Variants in RBFOX1 observed in about 807,000 individuals in gnomAD.
The protein encoded by RBFOX1 is RNA binding protein fox-1 homolog 1.
In RBFOX1, 8 loss-of-function variants were observed where a neutral mutation model predicts 57.7. That is an observed-to-expected ratio of 0.14 (90% CI 0.08 to 0.25). The LOEUF is 0.25. RBFOX1 is among the 10% of genes least tolerant of loss of function. RBFOX1 has a pLI of 1.00. For missense variants in RBFOX1, 611 were observed against 548.5 expected (o/e 1.11, Z -1.14); for synonymous variants, 326 against 222.4 (o/e 1.47, Z -4.15).
At chr16:7,366,793 A>G (rs1217151845) in intron 4 of RBFOX1, among the ~76,000 whole-genome samples, 1 of 152,180 alleles carries the variant, frequency 6.6e-6, no homozygotes, top group African/African-American at 2.4e-5. Context: ...AAAGATCAAA[A>G]ATGGGATTCC....
chr16:6,948,684 G>A (rs1246772300), intron 3 of RBFOX1, among the ~76,000 whole-genome samples: 2 of 152,012 alleles, frequency 1.3e-5, no homozygotes, highest in Non-Finnish European at 2.9e-5. Context: ...GCCTGGCGTT[G>A]TGTCAGTCTT....
rs997169371 is a variant in RBFOX1, at chr16:7,029,858, A to T, written c.-15-22199A>T. Among the ~76,000 whole-genome samples, 6 of 152,128 alleles carry T rather than the reference A, an allele frequency of 3.9e-5. No individual in the cohort carries two copies. The South Asian group carries it at 1.2e-3, about 32-fold the overall frequency. ...TTGAAGATGAAAGAATGATAACTTG[A>T]TTCTTATGTCCATTCATTGGGAATA... On this transcript the variant is annotated intron_variant, in intron 3 of 15. Transcript: ENST00000550418.
intron 1 of RBFOX1, among the ~76,000 whole-genome samples, chr16:6,185,237 ACT>A (rs1193859247): frequency 6.6e-6 from 1 of 151,924 alleles, no homozygotes; most frequent in Non-Finnish European, 1.5e-5. Flanking sequence ...TCCATCTGTC[ACT>A]CTCTTTCTCT....
chr16:6,353,493 T>A (rs1389542320), intron 2 of RBFOX1, among the ~76,000 whole-genome samples: 1 of 151,958 alleles, frequency 6.6e-6, no homozygotes, highest in Non-Finnish European at 1.5e-5. Context: ...CCCTTTTAAG[T>A]GTAGGGCATG....
chr16:6,895,551 T>A (rs1269663609), intron 3 of RBFOX1, among the ~76,000 whole-genome samples: 1 of 147,820 alleles, frequency 6.8e-6, no homozygotes, highest in Non-Finnish European at 1.5e-5. Flanking sequence ...CAGCTGCACA[T>A]GATTGATGAG....
At chr16:6,005,529 T>C (rs1418066684) in intron 4 of RBFOX1, among the ~76,000 whole-genome samples, 3 of 152,240 alleles carry the variant, frequency 2.0e-5, no homozygotes, top group Non-Finnish European at 4.4e-5. Context: ...TTTTCAACTT[T>C]GGCAGTGTTG....
At chr16:5,273,584 C>A (rs1195506055) in intron 1 of RBFOX1, among the ~76,000 whole-genome samples, 1 of 152,100 alleles carries the variant, frequency 6.6e-6, no homozygotes, top group Non-Finnish European at 1.5e-5. Context: ...GAAGGAGCTG[C>A]CATCTGTGTT....
chr16:7,074,136 A>C (rs188470737), intron 4 of RBFOX1, among the ~76,000 whole-genome samples: 1 of 152,200 alleles, frequency 6.6e-6, no homozygotes, highest in East Asian at 1.9e-4. Flanking sequence ...TGTTTTGTCC[A>C]CTGATTAGGA....
rs548760708 is a variant in RBFOX1 at position 6,850,617 on chromosome 16, A to T, written c.-16+195967A>T. Among the ~76,000 whole-genome samples, 6 of 152,348 alleles carry T rather than the reference A, an allele frequency of 3.9e-5. No individual in the cohort carries two copies. The East Asian group carries it at 9.6e-4, about 24-fold the overall frequency. ...AAGCACTTCTTCCCATGCCTTCCAC[A>T]GATGACTCCTAATGTCATTCTTTTG... is the stretch of plus-strand genomic sequence containing the variant. On this transcript the variant is annotated intron_variant, in intron 3 of 15. Coordinates refer to ENST00000550418, the MANE Select transcript of RBFOX1 (RefSeq NM_018723.4).
intron 1 of RBFOX1, among the ~76,000 whole-genome samples, chr16:5,393,907 C>A (rs994582323): frequency 6.6e-6 from 1 of 152,226 alleles, no homozygotes; most frequent in African/African-American, 2.4e-5. Context: ...TGTGATCTTT[C>A]TTCTGCCTTC....
chr16:7,547,568 A>T (rs2084942415), intron 5 of RBFOX1, among the ~76,000 whole-genome samples: 1 of 152,230 alleles, frequency 6.6e-6, no homozygotes, highest in African/African-American at 2.4e-5. Flanking sequence ...TCCTTTCCAT[A>T]TTTTAATAGT....
intron 3 of RBFOX1, among the ~76,000 whole-genome samples, chr16:5,629,157 G>A (rs543390899): frequency 1.3e-5 from 2 of 152,192 alleles, no homozygotes; most frequent in African/African-American, 4.8e-5. Context: ...CATATTGAGA[G>A]TACAGGGCTG....
At chr16:5,915,249 A>T (rs1597775291) in intron 4 of RBFOX1, among the ~76,000 whole-genome samples, 2 of 152,092 alleles carry the variant, frequency 1.3e-5, no homozygotes, top group African/African-American at 4.8e-5. Flanking sequence ...CACTAATTTG[A>T]CTTCTGTCTT....
At chr16:5,706,102 G>C (rs1039942302) in intron 3 of RBFOX1, among the ~76,000 whole-genome samples, 3 of 152,168 alleles carry the variant, frequency 2.0e-5, no homozygotes, top group Non-Finnish European at 4.4e-5. Flanking sequence ...GTAGAGATGG[G>C]GTTTCACCAT....
At chr16:6,890,252 C>G (rs1371566048) in intron 3 of RBFOX1, among the ~76,000 whole-genome samples, 6 of 152,280 alleles carry the variant, frequency 3.9e-5, no homozygotes, top group African/African-American at 1.4e-4. Flanking sequence ...GGCATGGTAG[C>G]TCATGCCTGT....
intron 3 of RBFOX1, among the ~76,000 whole-genome samples, chr16:5,650,707 GTCTC>G (rs141578664): frequency 0.029 from 4,369 of 152,086 alleles, 227 homozygotes; most frequent in African/African-American, 0.1. Context: ...TCCTCTCTCT[GTCTC>G]TCTCTGTCTT....
chr16:5,942,221 G>A lies in RBFOX1; in HGVS notation c.351+74886G>A, dbSNP rs1257897389. On this transcript the variant is annotated intron_variant, in intron 4 of 19. Transcript: ENST00000641259. ...GGAGTTTTTTTTATTACTCAAAGCA[G>A]CCTCTCCATAGTTTGCAGGCTAGGG... 2.6e-5 allele frequency among the ~76,000 whole-genome samples: 4 copies of A among 152,154 alleles called. No individual in the cohort carries two copies. In the East Asian group the frequency reaches 7.7e-4, roughly 29 times the overall value.
chr16:6,991,682 T>C (rs2091480766), intron 3 of RBFOX1, among the ~76,000 whole-genome samples: 1 of 152,100 alleles, frequency 6.6e-6, no homozygotes, highest in African/African-American at 2.4e-5. Context: ...GACCACAGGC[T>C]TGTGCTGCCA....
intron 2 of RBFOX1, among the ~76,000 whole-genome samples, chr16:6,600,483 A>G (rs150427577): frequency 9.8e-5 from 15 of 152,336 alleles, no homozygotes; most frequent in African/African-American, 3.4e-4. Flanking sequence ...ACCAGATAGC[A>G]GAGTCTCCAA....
Sources: allele counts gnomAD v4.1 joint callset (sites outside exome capture counted in the v4.1 genomes callset), GRCh38; gene constraint gnomAD v4.1.1; transcripts MANE v1.5; gene names NCBI Gene and HGNC (gene_info 2026-07-23, HGNC 2026-07-21).